ZBTB44: variants seen among roughly 807,000 people sequenced by gnomAD.
The protein encoded by ZBTB44 is zinc finger and BTB domain-containing protein 44.
ZBTB44 carries 15 observed loss-of-function variants against 54.0 expected under a neutral mutation model. The ratio of observed to expected loss-of-function variants is 0.28; its 90% confidence interval spans 0.19 to 0.43. The LOEUF is 0.43. Ranked by LOEUF, ZBTB44 falls within the 20% of genes least tolerant of loss-of-function variation. ZBTB44 has a pLI of 1.00. For synonymous variants in ZBTB44, 230 were observed against 250.1 expected (o/e 0.92, Z 0.76); for missense variants, 487 against 707.1 (o/e 0.69, Z 3.53).
At chr11:130,289,458 G>A (rs1452892314) in intron 1 of ZBTB44, among the ~76,000 whole-genome samples, 1 of 150,690 alleles carries the variant, frequency 6.6e-6, no homozygotes, top group Admixed American at 6.6e-5. Context: ...CCAGCTCCAG[G>A]GCAATAGAGC....
At chr11:130,260,820 T>C (rs368202610) in intron 2 of ZBTB44, 36 bp downstream of exon 2, 1 of 1,542,182 alleles carries the variant, frequency 6.5e-7, no homozygotes, top group African/African-American at 1.4e-5. Flanking sequence ...TTGAATTGAC[T>C]TTATAGCACC....
rs527818911 is a variant in ZBTB44, at chr11:130,237,178, G to A, written c.1268-85C>T. ...CTACAAATTTCTGAACTATATTTCTGTAGCAACAGATCATCTGAAAAGGCA... is the reference window on the plus strand; with the variant it reads ...CTACAAATTTCTGAACTATATTTCTATAGCAACAGATCATCTGAAAAGGCA... On this transcript the variant is annotated intron_variant, in intron 4 of 7. Transcript: ENST00000357899. The A allele has an allele frequency of 9.6e-5, 124 of 1,287,160 alleles. No individual in the cohort carries two copies. The South Asian group carries it at 2.7e-3, about 28-fold the overall frequency. The allele number at this position is 1,287,160 out of a possible 1,614,324, so 79.7% of individuals were successfully genotyped here.
At chr11:130,254,905 T>C (rs1423127211) in intron 2 of ZBTB44, among the ~76,000 whole-genome samples, 1 of 152,100 alleles carries the variant, frequency 6.6e-6, no homozygotes. Flanking sequence ...TAAAAAAGGA[T>C]GGGTTCATGT....
chr11:130,247,585 A>G (rs1355682598), intron 2 of ZBTB44, among the ~76,000 whole-genome samples: 1 of 152,254 alleles, frequency 6.6e-6, no homozygotes, highest in African/African-American at 2.4e-5. Flanking sequence ...CAAGAGAAAT[A>G]AACGATAATG....
intron 1 of ZBTB44, among the ~76,000 whole-genome samples, chr11:130,281,549 A>AAAT (rs1251248231): frequency 6.6e-6 from 1 of 151,244 alleles, no homozygotes; most frequent in Non-Finnish European, 1.5e-5. Flanking sequence ...ATAAATAAAT[A>AAAT]AATAAATAAA....
intron 1 of ZBTB44, among the ~76,000 whole-genome samples, chr11:130,264,160 A>G (rs747044810): frequency 6.6e-6 from 1 of 152,222 alleles, no homozygotes; most frequent in Non-Finnish European, 1.5e-5. Context: ...CACACCTCAT[A>G]GAGTTCTGAG....
chr11:130,297,953 G>T (rs190715523), intron 1 of ZBTB44, among the ~76,000 whole-genome samples: 26 of 152,240 alleles, frequency 1.7e-4, no homozygotes, highest in African/African-American at 5.8e-4. Flanking sequence ...AATAAAAAAA[G>T]ACAGATATGG....
intron 1 of ZBTB44, among the ~76,000 whole-genome samples, chr11:130,280,508 T>C (rs1214717001): frequency 6.6e-6 from 1 of 152,192 alleles, no homozygotes; most frequent in East Asian, 1.9e-4. Context: ...TTAGAGACTT[T>C]AACACTCCTG....
chr11:130,249,196 A>G (rs1157617311), intron 2 of ZBTB44, among the ~76,000 whole-genome samples: 6 of 152,292 alleles, frequency 3.9e-5, no homozygotes, highest in Admixed American at 1.3e-4. Context: ...GCCTAACTCA[A>G]TATCTTAGAT....
intron 1 of ZBTB44, among the ~76,000 whole-genome samples, chr11:130,297,670 G>A (rs974609388): frequency 2.6e-5 from 4 of 152,200 alleles, no homozygotes; most frequent in African/African-American, 9.6e-5. Context: ...GGCACTACCA[G>A]AAGCAAAGAG....
chr11:130,300,137 G>A (rs1941911325), intron 1 of ZBTB44, among the ~76,000 whole-genome samples: 1 of 152,202 alleles, frequency 6.6e-6, no homozygotes, highest in South Asian at 2.1e-4. Context: ...AAGTAGAAGG[G>A]TGGTTGCCTG....
intron 1 of ZBTB44, among the ~76,000 whole-genome samples, chr11:130,264,778 C>A (rs1028110569): frequency 1.3e-4 from 20 of 152,096 alleles, no homozygotes; most frequent in African/African-American, 4.6e-4. Context: ...CAGAGACATA[C>A]CTCATCTTCT....
intron 1 of ZBTB44, among the ~76,000 whole-genome samples, chr11:130,301,302 C>T (rs546143075): frequency 6.6e-6 from 1 of 152,276 alleles, no homozygotes; most frequent in South Asian, 2.1e-4. Flanking sequence ...TTTTAAGAGG[C>T]AGACTCCTGA....
intron 2 of ZBTB44, among the ~76,000 whole-genome samples, chr11:130,250,043 A>G (rs1358562953): frequency 6.6e-6 from 1 of 152,218 alleles, no homozygotes; most frequent in Non-Finnish European, 1.5e-5. Context: ...CCAGCACAGC[A>G]GTCTGAAGTT....
chr11:130,281,795 CGGG>C (rs1236617740), intron 1 of ZBTB44, among the ~76,000 whole-genome samples: 1 of 7,958 alleles, frequency 1.3e-4, no homozygotes, highest in Non-Finnish European at 3.8e-4. Context: ...GGGGTTTCGC[CGGG>C]GTTTCGCCGT....
intron 1 of ZBTB44, among the ~76,000 whole-genome samples, chr11:130,298,622 C>G (rs2134429290): frequency 6.6e-6 from 1 of 152,032 alleles, no homozygotes; most frequent in Non-Finnish European, 1.5e-5. Flanking sequence ...GCCACCACGC[C>G]TGGCCACTTT....
intron 2 of ZBTB44, among the ~76,000 whole-genome samples, chr11:130,253,645 C>T (rs1938204988): frequency 6.6e-6 from 1 of 152,160 alleles, no homozygotes; most frequent in African/African-American, 2.4e-5. Context: ...CCATACTGCC[C>T]AAGGTAATTT....
At chr11:130,277,110 G>T (rs1940163559) in intron 1 of ZBTB44, among the ~76,000 whole-genome samples, 1 of 152,048 alleles carries the variant, frequency 6.6e-6, no homozygotes, top group Admixed American at 6.6e-5. Flanking sequence ...TCTGTCTTTT[G>T]ATTTCAATCC....
At chr11:130,311,587 CTTGTTAAATAGGAAT>C (rs1301242678) in intron 1 of ZBTB44, among the ~76,000 whole-genome samples, 5 of 152,116 alleles carry the variant, frequency 3.3e-5, no homozygotes, top group Admixed American at 6.6e-5. Context: ...AAAAAGTCTG[CTTGTTAAATAGGAAT>C]TGGAATATCA....
Sources: allele counts gnomAD v4.1 joint callset (sites outside exome capture counted in the v4.1 genomes callset), GRCh38; gene constraint gnomAD v4.1.1; transcripts MANE v1.5; gene names NCBI Gene and HGNC (gene_info 2026-07-23, HGNC 2026-07-21).